NEXMIF: variants seen among roughly 807,000 people sequenced by gnomAD.
NEXMIF encodes neurite extension and migration factor, also known as XLMR protein related to neurite extension.
Under a neutral mutation model 62.1 loss-of-function variants are expected in NEXMIF, and 8 were observed. The observed-to-expected ratio is 0.13, with a 90% CI of 0.08 to 0.23. NEXMIF has a LOEUF of 0.23. Among genes scored for constraint, NEXMIF ranks in the 10% least tolerant of loss-of-function variants. The pLI is 1.00. For missense variants in NEXMIF, 976 were observed against 1,113.3 expected (o/e 0.88, Z 1.75); for synonymous variants, 404 against 416.6 (o/e 0.97, Z 0.37).
Position 74,735,461 on chromosome X carries a change from G to C in NEXMIF, c.*3944C>G, listed in dbSNP as rs1379293401. The C allele has an allele frequency of 8.9e-6, 1 of 111,784 alleles. No individual in the cohort carries two copies. The highest frequency in any genetic ancestry group is 3.3e-5 in the African/African-American group (1 of 30,747). The allele number at this position is 111,784 out of a possible 1,213,427, so 9.2% of individuals were successfully genotyped here. On this transcript the variant is annotated 3_prime_UTR_variant, in exon 4 of 4. Transcript: ENST00000055682. ...ATGCTAATTGAAACCTACTAAAACA[G>C]AAATTCACTAGAACTGCAAAACCTC...
chrX:74,886,169 A>T (rs2080692178), intron 1 of NEXMIF, among the ~76,000 whole-genome samples: 1 of 111,836 alleles, frequency 8.9e-6, no homozygotes, highest in African/African-American at 3.3e-5. Flanking sequence ...AGAGCTATCT[A>T]TGACAAACCC....
At chrX:74,867,311 C>T (rs997560665) in intron 1 of NEXMIF, among the ~76,000 whole-genome samples, 6 of 111,503 alleles carry the variant, frequency 5.4e-5, no homozygotes, top group African/African-American at 9.8e-5. Context: ...AAAAAGAGCC[C>T]GTATAGCCAT....
At position 74,744,356 on chromosome X, in the gene NEXMIF, T is replaced by C; in HGVS notation, c.201A>G (p.Leu67=). 8.3e-7 allele frequency: 1 copy of C among 1,210,995 alleles called. No homozygotes were observed. ...TCTGCATACAGGGCTTCTTAGAGGG[T>C]AGAGGCAGGAGACCTCTGGGATACA... ...TLMYPRGLLP[L]PSKKPCMQSP... is the part of the protein sequence containing the mutation. Residue 67 remains leucine (L), a synonymous_variant, in exon 3 of 4, where the codon CTA becomes CTG. Transcript: ENST00000055682.
In NEXMIF at chrX:74,828,250, T is replaced by C. The variant is rs746585119; in HGVS notation, c.-47-82553A>G. On this transcript the variant is annotated intron_variant, in intron 1 of 3. Transcript: ENST00000055682. Reference sequence around the variant, plus strand: ...ATGAGCGAATAATCTCCAAGGGGAATTGGAAAAGAAAACAGGGCTTAAACT... The same window carrying C: ...ATGAGCGAATAATCTCCAAGGGGAACTGGAAAAGAAAACAGGGCTTAAACT... Among the ~76,000 whole-genome samples the C allele has an allele frequency of 1.4e-3, 161 of 111,266 alleles. 1 individual carries two copies. The highest frequency in any genetic ancestry group is 3.3e-3 in the Admixed American group (34 of 10,430).
intron 1 of NEXMIF, among the ~76,000 whole-genome samples, chrX:74,845,618 C>T (rs2080489379): frequency 1.8e-5 from 2 of 111,208 alleles, no homozygotes; most frequent in South Asian, 3.8e-4. Flanking sequence ...AGCTCTACTG[C>T]TCTCAGTATA....
intron 1 of NEXMIF, among the ~76,000 whole-genome samples, chrX:74,761,170 C>CA (rs1379770904): frequency 8.1e-5 from 9 of 110,775 alleles, no homozygotes; most frequent in Non-Finnish European, 5.7e-5. Context: ...ATGCCTGGCC[C>CA]AAAGTTTTAT....
At chrX:74,874,653 T>C (rs1236894806) in intron 1 of NEXMIF, among the ~76,000 whole-genome samples, 1 of 91,724 alleles carries the variant, frequency 1.1e-5, no homozygotes, top group Non-Finnish European at 2.1e-5. Flanking sequence ...TTTGTTTGTG[T>C]CCTCTTTTAT....
At chrX:74,884,686 CAAT>C (rs935293081) in intron 1 of NEXMIF, among the ~76,000 whole-genome samples, 5 of 111,517 alleles carry the variant, frequency 4.5e-5, no homozygotes, top group African/African-American at 1.3e-4. Flanking sequence ...GACTCCCACA[CAAT>C]AATAATGGGA....
Position 74,736,531 on chromosome X carries a change from C to T in NEXMIF, c.*2874G>A, listed in dbSNP as rs997343452. Reference sequence around the variant, plus strand: ...AATATATATTTCTGACTTGAGATACCAGTGATAGGGCAAAACACTATTTTT... The same window carrying T: ...AATATATATTTCTGACTTGAGATACTAGTGATAGGGCAAAACACTATTTTT... On this transcript the variant is annotated 3_prime_UTR_variant, in exon 4 of 4. Coordinates refer to ENST00000055682, the MANE Select transcript of NEXMIF (RefSeq NM_001008537.3). The T allele has an allele frequency of 1.8e-5, 2 of 111,168 alleles. No individual in the cohort carries two copies. The highest frequency in any genetic ancestry group is 3.8e-5 in the Non-Finnish European group (2 of 52,957). The allele number at this position is 111,168 out of a possible 1,213,427, so 9.2% of individuals were successfully genotyped here. A position where few individuals can be genotyped will look rare whatever the true frequency, so the allele number is the denominator to read the frequency against.
intron 1 of NEXMIF, among the ~76,000 whole-genome samples, chrX:74,917,182 G>A (rs150601323): frequency 9.0e-6 from 1 of 111,724 alleles, no homozygotes; most frequent in Non-Finnish European, 1.9e-5. Context: ...TGGGTCATGG[G>A]GGGCAGATTT....
intron 1 of NEXMIF, among the ~76,000 whole-genome samples, chrX:74,922,261 G>A (rs1264406957): frequency 9.0e-6 from 1 of 111,236 alleles, no homozygotes; most frequent in Non-Finnish European, 1.9e-5. Context: ...AGAAAAAGAG[G>A]GAAAAGGGAC....
intron 1 of NEXMIF, among the ~76,000 whole-genome samples, chrX:74,907,334 A>ACCCCCCCCCCC (rs56726810): frequency 2.6e-4 from 14 of 53,031 alleles, no homozygotes; most frequent in Non-Finnish European, 3.2e-4. Flanking sequence ...AAGCAAGAGC[A>ACCCCCCCCCCC]CCCCCCCCCC....
At chrX:74,905,835 AC>A (rs891344730) in intron 1 of NEXMIF, among the ~76,000 whole-genome samples, 1 of 112,208 alleles carries the variant, frequency 8.9e-6, no homozygotes, top group African/African-American at 3.2e-5. Context: ...AAAACAAAAA[AC>A]AAAAACAAAA....
At chrX:74,888,042 A>G (rs1309057305) in intron 1 of NEXMIF, among the ~76,000 whole-genome samples, 2 of 110,306 alleles carry the variant, frequency 1.8e-5, no homozygotes, top group African/African-American at 3.3e-5. Context: ...CACAAGGACA[A>G]AAAACCAAAC....
intron 2 of NEXMIF, 38 bp downstream of exon 2, chrX:74,745,534 A>G: frequency 1.0e-6 from 1 of 965,156 alleles, no homozygotes; most frequent in Non-Finnish European, 1.5e-6. Flanking sequence ...GAGGACTACC[A>G]GGAGAGATAT....
chrX:74,857,681 G>A (rs944360770), intron 1 of NEXMIF, among the ~76,000 whole-genome samples: 2 of 112,043 alleles, frequency 1.8e-5, no homozygotes, highest in Non-Finnish European at 3.8e-5. Flanking sequence ...CTCAGCCACA[G>A]GGGTGTAGAG....
At chrX:74,786,255 T>A (rs765161434) in intron 1 of NEXMIF, among the ~76,000 whole-genome samples, 8 of 111,799 alleles carry the variant, frequency 7.2e-5, no homozygotes, top group African/African-American at 2.6e-4. Flanking sequence ...GTGTGGGAGT[T>A]TTCATAGATT....
At chrX:74,902,035 TA>T (rs2080750973) in intron 1 of NEXMIF, among the ~76,000 whole-genome samples, 1 of 110,979 alleles carries the variant, frequency 9.0e-6, no homozygotes, top group Non-Finnish European at 1.9e-5. Flanking sequence ...GGATGAGTTT[TA>T]ATCCCAGCTC....
At position 74,886,203 on chromosome X, in the gene NEXMIF, A is replaced by G. The variant is rs2080692365; in HGVS notation, c.-48+38680T>C. 4.5e-5 allele frequency among the ~76,000 whole-genome samples: 5 copies of G among 111,798 alleles called. No homozygotes were observed. The South Asian group carries it at 1.5e-3, about 34-fold the overall frequency. ...CCACAGCCAATATCATACTGAATGGACAAAAACTGGAAGCATTCCCTTTGA... is the reference window on the plus strand; with the variant it reads ...CCACAGCCAATATCATACTGAATGGGCAAAAACTGGAAGCATTCCCTTTGA... On this transcript the variant is annotated intron_variant, in intron 1 of 3. Coordinates refer to ENST00000055682, the MANE Select transcript of NEXMIF (RefSeq NM_001008537.3).
Sources: allele counts gnomAD v4.1 joint callset (sites outside exome capture counted in the v4.1 genomes callset), GRCh38; gene constraint gnomAD v4.1.1; transcripts MANE v1.5; gene names NCBI Gene and HGNC (gene_info 2026-07-23, HGNC 2026-07-21).